The following ECH1 variants were observed in gnomAD, a reference collection of about 807,000 sequenced individuals.
ECH1 encodes the protein enoyl-CoA hydratase 1, also known as delta(3,5)-Delta(2,4)-dienoyl-CoA isomerase, mitochondrial.
A neutral mutation model predicts 37.0 loss-of-function variants in ECH1; 30 were observed. That is an observed-to-expected ratio of 0.81 (90% CI 0.61 to 1.10). The LOEUF is 1.10. ECH1 is among the 50% of genes least tolerant of loss of function. The pLI, the probability that ECH1 is intolerant of heterozygous loss-of-function variation, is 0.00. For missense variants in ECH1, 456 were observed against 441.6 expected, an observed-to-expected ratio of 1.03 and a Z score of -0.29; for synonymous variants, 178 against 176.0, an observed-to-expected ratio of 1.01 and a Z score of -0.09.
rs879153826 is a variant in ECH1 at position 38,831,771 on chromosome 19, A to ATCGCCGCCGCCT, written c.-11_1dup (p.Leu1_?0). 6.2e-7 allele frequency: 1 copy of ATCGCCGCCGCCT among 1,613,330 alleles called. No homozygotes were observed. On this transcript the variant is annotated start_lost and start_retained_variant, in exon 1 of 10. Coordinates refer to ENST00000221418, the MANE Select transcript of ECH1 (RefSeq NM_001398.3). ...GCGAGAAGCCACTATCCCCGCCGCC[A>ATCGCCGCCGCCT]TCGCCGCCGCCTTCGTCTACTGCGT...
chr19:38,817,440 C>T lies in ECH1; in HGVS notation c.474+11G>A. The T allele has an allele frequency of 1.2e-6, 2 of 1,613,020 alleles. No individual in the cohort carries two copies. The highest frequency in any genetic ancestry group is 1.7e-6 in the Non-Finnish European group (2 of 1,179,628). On this transcript the variant is annotated intron_variant, in intron 4 of 9. Coordinates refer to ENST00000221418, the MANE Select transcript of ECH1 (RefSeq NM_001398.3). Reference sequence around the variant, plus strand: ...TATGGAGAAAGATCCCCTCCAGACCCCTAGAGTCACCCTCTCGATGACGTT... The same window carrying T: ...TATGGAGAAAGATCCCCTCCAGACCTCTAGAGTCACCCTCTCGATGACGTT...
In ECH1 at chr19:38,815,978, A is replaced by G. The variant is rs770365506; in HGVS notation, c.761T>C (p.Leu254Pro). The G allele has an allele frequency of 1.9e-6, 3 of 1,613,908 alleles. No homozygotes were observed. Among genetic ancestry groups the G allele is most frequent in the South Asian group, 2.2e-5 (2 of 91,066 alleles). ...GGCCGCCAGCGCTAAGGCAGCATCC[A>G]GCATGACCTCTTTGTCTGGGAACAC... ...SRVFPDKEVM[L>P]DAALALAAEI... Residue 254 changes from leucine (L) to proline (P), a missense_variant, in exon 9 of 10, where the codon CTG (leucine) becomes CCG (proline). Coordinates refer to ENST00000221418, the MANE Select transcript of ECH1 (RefSeq NM_001398.3).
rs543968325 is a variant in ECH1 at position 38,819,014 on chromosome 19, C to T, written c.350-1439G>A. 25 of 527,622 alleles carry T rather than the reference C, an allele frequency of 4.7e-5. No homozygotes were observed. The East Asian group carries it at 2.6e-3, about 54-fold the overall frequency. The allele number at this position is 527,622 out of a possible 1,614,324, so 32.7% of individuals were successfully genotyped here. A position where few individuals can be genotyped will look rare whatever the true frequency, so the allele number is the denominator to read the frequency against. On this transcript the variant is annotated intron_variant, in intron 3 of 9. Transcript: ENST00000221418. ...GTGTGTGTGTGTGTGTGTGTGCGGG[C>T]ACGTGCATTTGAGCCCAGGAGTTGG...
chr19:38,831,680 C>T, intron 1 of ECH1, 41 bp downstream of exon 1: 1 of 1,611,746 alleles, frequency 6.2e-7, no homozygotes, highest in Non-Finnish European at 8.5e-7. Flanking sequence ...TATAACAGCA[C>T]GACAGCGCGA....
intron 3 of ECH1, among the ~76,000 whole-genome samples, chr19:38,824,861 A>G (rs1971716145): frequency 1.3e-5 from 2 of 152,114 alleles, no homozygotes; most frequent in East Asian, 1.9e-4. Context: ...AGAAATCTCC[A>G]AAGGACCACA....
chr19:38,830,854 T>C, intron 3 of ECH1: 1 of 555,726 alleles, frequency 1.8e-6, no homozygotes, highest in Non-Finnish European at 3.2e-6. Context: ...ACGCCTGTAG[T>C]CCCAGACAGA....
chr19:38,825,891 G>A (rs1417165985), intron 3 of ECH1, among the ~76,000 whole-genome samples: 1 of 152,218 alleles, frequency 6.6e-6, no homozygotes, highest in African/African-American at 2.4e-5. Context: ...TCCAACAACA[G>A]GACAGAGGGT....
chr19:38,831,378 T>C lies in ECH1; in HGVS notation c.191A>G (p.Gln64Arg), dbSNP rs1439079808. 3.1e-6 allele frequency: 5 copies of C among 1,613,920 alleles called. No homozygotes were observed. The highest frequency in any genetic ancestry group is 4.2e-6 in the Non-Finnish European group (5 of 1,180,018). The change falls in exon 2 of 10, where the codon CAG becomes CGG. Residue 64 changes from glutamine to arginine, a missense_variant. Gln to Arg is a conservative substitution (Grantham distance 43). Coordinates refer to ENST00000221418, the MANE Select transcript of ECH1 (RefSeq NM_001398.3). Reference protein sequence around the residue: ...SYESLRVTSAQKHVLHVQLNR... With the variant: ...SYESLRVTSARKHVLHVQLNR... ...GAGCTGGACATGCAGAACATGTTTC[T>C]GCGCAGACGTCACACGAAGGGACTC...
chr19:38,830,954 C>CAA lies in ECH1; in HGVS notation c.349+122_349+123dup, dbSNP rs574213368. 0.021 allele frequency: 14,710 copies of CAA among 693,246 alleles called. 873 individuals carry two copies. The African/African-American group carries it at 0.22, about 10-fold the overall frequency. 42.9% of individuals were successfully genotyped at this position (693,246 alleles called of 1,614,324 possible). A position where few individuals can be genotyped will look rare whatever the true frequency, so the allele number is the denominator to read the frequency against. ...GTGGCAACAGAGCAAGACCCCGTCTCAAAAAAAAAAAAAAAAAGTGTGTAA... is the reference window on the plus strand; with the variant it reads ...GTGGCAACAGAGCAAGACCCCGTCTCAAAAAAAAAAAAAAAAAAAGTGTGTAA... On this transcript the variant is annotated intron_variant, in intron 3 of 9. Transcript: ENST00000221418.
chr19:38,816,181 C>A, intron 8 of ECH1, 103 bp downstream of exon 8: 1 of 1,502,068 alleles, frequency 6.7e-7, no homozygotes, highest in South Asian at 1.2e-5. Flanking sequence ...AGAAAGGATG[C>A]CACTAGGAAT....
At position 38,831,736 on chromosome 19, in the gene ECH1, C is replaced by T. The variant is rs748815662; in HGVS notation, c.37G>A (p.Asp13Asn). Residue 13 changes from aspartate to asparagine, a missense_variant, in exon 1 of 10, where the codon GAC becomes AAC. Asp to Asn is a conservative substitution (Grantham distance 23, BLOSUM62 1). Transcript: ENST00000221418. The part of the protein sequence containing the change: ...AGIVASRRLR[D>N]LLTRRLTGSN... ...GGTGACTCACGCCGGGTCAGTAGGT[C>T]GCGGAGTCTGCGAGAAGCCACTATC... 2 of 1,613,522 alleles carry T rather than the reference C, an allele frequency of 1.2e-6. No individual in the cohort carries two copies. Among genetic ancestry groups the T allele is most frequent in the South Asian group, 1.1e-5 (1 of 90,988 alleles).
At position 38,830,492 on chromosome 19, in the gene ECH1, A is replaced by C. The variant is rs1018474563; in HGVS notation, c.349+586T>G. The stretch of plus-strand genomic sequence containing the variant: ...TGTTTTAAAGTAGGCCTTTTTTTAA[A>C]AAAATGATAGGGCTGGCCATGGTGG... On this transcript the variant is annotated intron_variant, in intron 3 of 9. Transcript: ENST00000221418. 2.6e-5 allele frequency among the ~76,000 whole-genome samples: 4 copies of C among 152,186 alleles called. No individual in the cohort carries two copies. In the East Asian group the frequency reaches 7.7e-4, roughly 29 times the overall value.
At chr19:38,829,726 G>A (rs1971790971) in intron 3 of ECH1, among the ~76,000 whole-genome samples, 1 of 149,212 alleles carries the variant, frequency 6.7e-6, no homozygotes, top group Non-Finnish European at 1.5e-5. Flanking sequence ...TGAGGCAGAA[G>A]AATGGCCTGA....
rs542735357 is a variant in ECH1 at position 38,819,858 on chromosome 19, G to A, written c.350-2283C>T. ...TCCCAGCACTTTCGGAGGCTGAGGT[G>A]GGCGGATCGTTTGAGCCCAGGAGTT... On this transcript the variant is annotated intron_variant, in intron 3 of 9. Transcript: ENST00000221418. Among the ~76,000 whole-genome samples the A allele has an allele frequency of 1.1e-3, 164 of 152,008 alleles. 1 individual carries two copies. The highest frequency in any genetic ancestry group is 3.4e-3 in the Middle Eastern group (1 of 294).
At chr19:38,816,816 G>A (rs900769006) in intron 6 of ECH1, 13 of 624,452 alleles carry the variant, frequency 2.1e-5, no homozygotes, top group African/African-American at 5.5e-5. Flanking sequence ...TGCATCCCCC[G>A]GCTCCATCCT....
At position 38,815,647 on chromosome 19, in the gene ECH1, T is replaced by A. The variant is rs142809642; in HGVS notation, c.953A>T (p.Lys318Met). The change falls in exon 10 of 10, where the codon AAG (lysine) becomes ATG (methionine). Residue 318 changes from lysine to methionine, a missense_variant. Coordinates refer to ENST00000221418, the MANE Select transcript of ECH1 (RefSeq NM_001398.3). ...GGAGAAGGTGACGGTTTTCAGTTCC[T>A]TGTTCTCAGTCGTGGCCTGGACCGA... The part of the protein sequence containing the change: ...VKSVQATTEN[K>M]ELKTVTFSKL The A allele has an allele frequency of 6.2e-7, 1 of 1,614,226 alleles. No individual in the cohort carries two copies. The highest frequency in any genetic ancestry group is 1.1e-5 in the South Asian group (1 of 91,092).
At chr19:38,826,150 T>G (rs902264772) in intron 3 of ECH1, among the ~76,000 whole-genome samples, 2 of 152,156 alleles carry the variant, frequency 1.3e-5, no homozygotes, top group African/African-American at 4.8e-5. Flanking sequence ...GCCTTTCTTA[T>G]TATGCCTGAA....
In ECH1 at chr19:38,824,300, T is replaced by C. The variant is rs190825922; in HGVS notation, c.350-6725A>G. Among the ~76,000 whole-genome samples, 24 of 152,290 alleles carry C rather than the reference T, an allele frequency of 1.6e-4. No individual in the cohort carries two copies. The East Asian group carries it at 4.4e-3, about 28-fold the overall frequency. ...CGACCTTCCTTGGTCCTCCATGTGGTCTGAGAGGAAAACTAGTGTTTCTGC... is the reference window on the plus strand; with the variant it reads ...CGACCTTCCTTGGTCCTCCATGTGGCCTGAGAGGAAAACTAGTGTTTCTGC... On this transcript the variant is annotated intron_variant, in intron 3 of 9. Transcript: ENST00000221418.
chr19:38,820,121 C>T (rs1373418190), intron 3 of ECH1: 8 of 334,954 alleles, frequency 2.4e-5, no homozygotes, highest in Admixed American at 1.2e-4. Context: ...CGTGTAGTGG[C>T]GCGATCTCGG....
Sources: allele counts gnomAD v4.1 joint callset (sites outside exome capture counted in the v4.1 genomes callset), GRCh38; gene constraint gnomAD v4.1.1; transcripts MANE v1.5; gene names NCBI Gene and HGNC (gene_info 2026-07-23, HGNC 2026-07-21).